BDP1: variants seen among roughly 807,000 people sequenced by gnomAD.
The protein encoded by BDP1 is transcription factor TFIIIB component B'' homolog.
Under a neutral mutation model 266.6 loss-of-function variants are expected in BDP1, and 169 were observed. The ratio of observed to expected loss-of-function variants is 0.63; its 90% CI spans 0.56 to 0.72. The LOEUF is 0.72. Among genes scored for constraint, BDP1 ranks in the 30% least tolerant of loss-of-function variants. BDP1 has a pLI of 0.00. For synonymous variants in BDP1, 1,090 were observed against 1,022.4 expected (o/e 1.07, Z -1.26); for missense variants, 3,015 against 3,053.8 (o/e 0.99, Z 0.30).
In BDP1 at chr5:71,489,680, A is replaced by G; in HGVS notation, c.1490A>G (p.Lys497Arg). 6.3e-7 allele frequency: 1 copy of G among 1,599,774 alleles called. No individual in the cohort carries two copies. The highest frequency in any genetic ancestry group is 8.5e-7 in the Non-Finnish European group (1 of 1,176,016). Residue 497 changes from lysine to arginine, a missense_variant and splice_region_variant, in exon 10 of 39, where the codon AAG becomes AGG. Lys to Arg is a conservative substitution (Grantham distance 26). Coordinates refer to ENST00000358731, the MANE Select transcript of BDP1 (RefSeq NM_018429.3). The part of the protein sequence containing the change: ...QAGPSKGEKH[K>R]NKCQAIRPEL... The stretch of plus-strand genomic sequence containing the variant: ...GGTCCTTCTAAAGGAGAAAAACACA[A>G]GAGTAAGTTTCTTACATATTTAAAA...
intron 25 of BDP1, among the ~76,000 whole-genome samples, chr5:71,525,254 A>G (rs1231848627): frequency 8.9e-4 from 111 of 124,070 alleles, no homozygotes; most frequent in African/African-American, 1.7e-3. Context: ...GTGGCTGGCC[A>G]GGCGGGGGGC....
chr5:71,535,814 CTT>C (rs964208649), intron 26 of BDP1, among the ~76,000 whole-genome samples: 1 of 151,932 alleles, frequency 6.6e-6, no homozygotes, highest in African/African-American at 2.4e-5. Context: ...GCATTTTCCC[CTT>C]GTGTATGTGT....
Position 71,502,902 on chromosome 5 carries a change from T to C in BDP1, c.2241+111T>C, listed in dbSNP as rs147364498. On this transcript the variant is annotated intron_variant, in intron 15 of 38. Coordinates refer to ENST00000358731, the MANE Select transcript of BDP1 (RefSeq NM_018429.3). Reference sequence around the variant, plus strand: ...ACATACATACATACATTTATTTATTTATTTATGACGGAGTCTTGCTCTGTC... The same window carrying C: ...ACATACATACATACATTTATTTATTCATTTATGACGGAGTCTTGCTCTGTC... 4,286 of 834,274 alleles carry C rather than the reference T, an allele frequency of 5.1e-3. 23 individuals are homozygous for C. Among genetic ancestry groups the C allele is most frequent in the Non-Finnish European group, 7.1e-3 (3,879 of 547,450 alleles). The allele number at this position is 834,274 out of a possible 1,614,324, so 51.7% of individuals were successfully genotyped here.
chr5:71,503,064 CAAAA>C (rs1190511316), intron 15 of BDP1, among the ~76,000 whole-genome samples: 1 of 78,418 alleles, frequency 1.3e-5, no homozygotes, highest in Admixed American at 1.6e-4. Context: ...GACTCTGTCT[CAAAA>C]AAAAAAAAAA....
At chr5:71,521,845 T>C (rs1304461324) in intron 22 of BDP1, among the ~76,000 whole-genome samples, 1 of 152,194 alleles carries the variant, frequency 6.6e-6, no homozygotes, top group Non-Finnish European at 1.5e-5. Context: ...AAGTCTACTT[T>C]AGAACTAGAA....
At chr5:71,542,052 TGA>T in intron 29 of BDP1, 51 bp from the exon 30 acceptor site, 1 of 1,456,402 alleles carries the variant, frequency 6.9e-7, no homozygotes, top group Non-Finnish European at 9.5e-7. Context: ...TGTATTAATG[TGA>T]GAGAGCAAGA....
chr5:71,471,689 T>C (rs1762263550), intron 7 of BDP1, among the ~76,000 whole-genome samples: 1 of 152,354 alleles, frequency 6.6e-6, no homozygotes, highest in East Asian at 1.9e-4. Flanking sequence ...GTTTTCTGGG[T>C]TTAAGTGCAT....
At chr5:71,577,576 A>G in the BDP1 span, among the ~76,000 whole-genome samples, 1 of 120,090 alleles carries the variant, frequency 8.3e-6, no homozygotes, top group African/African-American at 2.8e-5. Context: ...GTGAGTATCC[A>G]TGGGATCTTG....
At chr5:71,496,372 C>T (rs16876019) in intron 12 of BDP1, among the ~76,000 whole-genome samples, 2,472 of 150,956 alleles carry the variant, frequency 0.016, 66 homozygotes, top group African/African-American at 0.057. Flanking sequence ...GTTCAAACAT[C>T]GAAAAGTATA....
chr5:71,530,417 T>C (rs896709779), intron 25 of BDP1, among the ~76,000 whole-genome samples: 1 of 151,862 alleles, frequency 6.6e-6, no homozygotes, highest in Non-Finnish European at 1.5e-5. Context: ...TTTTTTATTT[T>C]ATTTTCAATA....
intron 33 of BDP1, 48 bp downstream of exon 33, chr5:71,548,793 T>C (rs552751115): frequency 3.1e-6 from 4 of 1,272,142 alleles, no homozygotes; most frequent in Non-Finnish European, 4.5e-6. Flanking sequence ...AGTTGTATGA[T>C]TTTTACCCCT....
chr5:71,541,536 T>C lies in BDP1; in HGVS notation c.6105T>C (p.Ile2035=). ...GCCTAGATAATGTAAATCACAAAAT[T>C]GTTCATGAATGTCAGGAACTTTCTT... ...PSSLDNVNHK[I]VHECQELSSP... is the part of the protein sequence containing the mutation. The change falls in exon 29 of 39, where the codon ATT becomes ATC. Residue 2035 remains isoleucine (I), a synonymous_variant. Coordinates refer to ENST00000358731, the MANE Select transcript of BDP1 (RefSeq NM_018429.3). The C allele has an allele frequency of 6.2e-7, 1 of 1,611,652 alleles. No homozygotes were observed. The highest frequency in any genetic ancestry group is 1.3e-5 in the African/African-American group (1 of 74,976).
In BDP1 at chr5:71,458,730, A is replaced by G; in HGVS notation, c.364A>G (p.Asn122Asp). 2 of 1,614,156 alleles carry G rather than the reference A, an allele frequency of 1.2e-6. No homozygotes were observed. Among genetic ancestry groups the G allele is most frequent in the Non-Finnish European group, 1.7e-6 (2 of 1,180,012 alleles). Reference protein sequence around the residue: ...PSESHPLSTINQEAPQPTATS... With the variant: ...PSESHPLSTIDQEAPQPTATS... ...AGAATCTCATCCCTTATCTACAATT[A>G]ATCAAGAGGCTCCACAGCCAACTGC... Residue 122 changes from asparagine (N) to aspartate (D), a missense_variant, in exon 2 of 39, where the codon AAT becomes GAT. Asn to Asp is a conservative substitution (Grantham distance 23). Around this residue, in one of 3 missense-constraint regions of BDP1, gnomAD observed 2,383 missense variants for 2,404.9 expected, o/e 0.99. Transcript: ENST00000358731.
At chr5:71,457,913 G>C (rs899988914) in intron 1 of BDP1, among the ~76,000 whole-genome samples, 2 of 152,070 alleles carry the variant, frequency 1.3e-5, no homozygotes, top group African/African-American at 4.8e-5. Flanking sequence ...ACTTATATCT[G>C]AGGTATACCA....
At chr5:71,465,874 C>T (rs1761876900) in intron 4 of BDP1, among the ~76,000 whole-genome samples, 1 of 151,436 alleles carries the variant, frequency 6.6e-6, no homozygotes, top group Non-Finnish European at 1.5e-5. Flanking sequence ...GGGCGAAACT[C>T]CATCTAAAAA....
the BDP1 span, among the ~76,000 whole-genome samples, chr5:71,576,279 C>A: frequency 6.6e-6 from 1 of 152,168 alleles, no homozygotes; most frequent in Non-Finnish European, 1.5e-5. Context: ...GATTAAGGAG[C>A]ATGGGCTCCA....
At chr5:71,487,328 G>A (rs1330285545) in intron 9 of BDP1, among the ~76,000 whole-genome samples, 1 of 151,802 alleles carries the variant, frequency 6.6e-6, no homozygotes. Context: ...TGCAAGCTCC[G>A]CCTTCCGGGT....
chr5:71,479,232 G>A (rs1400288117), intron 7 of BDP1, among the ~76,000 whole-genome samples: 4 of 151,590 alleles, frequency 2.6e-5, no homozygotes, highest in African/African-American at 4.8e-5. Flanking sequence ...TAGTAGAGAC[G>A]GGGTTTCACT....
intron 38 of BDP1, 37 bp from the exon 39 acceptor site, chr5:71,564,717 C>CTTT: frequency 6.6e-7 from 1 of 1,525,216 alleles, no homozygotes; most frequent in Non-Finnish European, 9.0e-7. Context: ...TGTTGTATTA[C>CTTT]AGTTTTATTT....
Sources: allele counts gnomAD v4.1 joint callset (sites outside exome capture counted in the v4.1 genomes callset), GRCh38; gene constraint gnomAD v4.1.1; regional missense constraint gnomAD v4.1.1; transcripts MANE v1.5; gene names NCBI Gene and HGNC (gene_info 2026-07-23, HGNC 2026-07-21).